The following PCDHGA5 variants were observed in gnomAD, a reference collection of about 807,000 sequenced individuals.
PCDHGA5 encodes the protein protocadherin gamma-A5.
Under a neutral mutation model 56.7 loss-of-function variants are expected in PCDHGA5, and 36 were observed. That is an observed-to-expected ratio of 0.64 (90% confidence interval 0.49 to 0.84). The LOEUF (loss-of-function observed/expected upper bound fraction) is 0.84, where lower values mean the gene tolerates loss of function less well. Among genes scored for constraint, PCDHGA5 ranks in the 40% least tolerant of loss-of-function variants. PCDHGA5 has a pLI of 0.00. For missense variants in PCDHGA5, 1,305 were observed against 1,201.5 expected (o/e 1.09, Z -1.27); for synonymous variants, 563 against 520.2 (o/e 1.08, Z -1.12).
At chr5:141,478,177 A>G (rs769503109) in intron 1 of PCDHGA5, 1 of 1,613,988 alleles carries the variant, frequency 6.2e-7, no homozygotes, top group South Asian at 1.1e-5. Context: ...GGGAGCAGAA[A>G]AAAAATCTCA....
rs747040892 is a variant in PCDHGA5 at position 141,366,112 on chromosome 5, G to C, written c.1782G>C (p.Val594=). The C allele has an allele frequency of 6.2e-7, 1 of 1,614,110 alleles. No individual in the cohort carries two copies. Among genetic ancestry groups the C allele is most frequent in the Non-Finnish European group, 8.5e-7 (1 of 1,180,064 alleles). ...ACCTGGTGACCAAGGTGGTAGCGGT[G>C]GACAAAGATTCAGGCCAGAACGCCT... ...PGYLVTKVVA[V]DKDSGQNAWL... Residue 594 remains valine (V), a synonymous_variant, in exon 1 of 4, where the codon GTG becomes GTC. Transcript: ENST00000518069.
At chr5:141,400,777 T>G (rs2094073733) in intron 1 of PCDHGA5, 1 of 565,634 alleles carries the variant, frequency 1.8e-6, no homozygotes. Context: ...ATTTGGTGCG[T>G]TTTTTTGTCC....
At chr5:141,374,884 C>A in intron 1 of PCDHGA5, 3 of 1,613,714 alleles carry the variant, frequency 1.9e-6, no homozygotes, top group Non-Finnish European at 1.7e-6. Context: ...TGACTGCCAC[C>A]GACCAGGATG....
intron 1 of PCDHGA5, among the ~76,000 whole-genome samples, chr5:141,475,732 C>T (rs2099367914): frequency 6.6e-6 from 1 of 152,248 alleles, no homozygotes; most frequent in Non-Finnish European, 1.5e-5. Context: ...GCTGGCTTTC[C>T]CTAAGGTAGG....
Position 141,481,770 on chromosome 5 carries a change from G to T in PCDHGA5, c.2422-13037G>T, listed in dbSNP as rs188953511. 6.1e-3 allele frequency among the ~76,000 whole-genome samples: 929 copies of T among 152,184 alleles called. 10 individuals are homozygous for T. Among genetic ancestry groups the T allele is most frequent in the African/African-American group, 0.022 (895 of 41,516 alleles). On this transcript the variant is annotated intron_variant, in intron 1 of 3. Coordinates refer to ENST00000518069, the MANE Select transcript of PCDHGA5 (RefSeq NM_018918.3). ...AGTCCAAGACCAGCCTGGCCAACAT[G>T]GTGAAACCCCGTCTCTACTAAAAAT... is the stretch of plus-strand genomic sequence containing the variant.
chr5:141,481,780 C>T (rs781334437), intron 1 of PCDHGA5, among the ~76,000 whole-genome samples: 3 of 152,016 alleles, frequency 2.0e-5, no homozygotes, highest in African/African-American at 7.2e-5. Flanking sequence ...GGTGAAACCC[C>T]GTCTCTACTA....
rs767580455 is a variant in PCDHGA5 at position 141,402,948 on chromosome 5, C to G, written c.2421+36197C>G. The G allele has an allele frequency of 7.5e-6, 12 of 1,592,864 alleles. No individual in the cohort carries two copies. In the African/African-American group the frequency reaches 1.2e-4, roughly 16 times the overall value. On this transcript the variant is annotated intron_variant, in intron 1 of 3. Transcript: ENST00000518069. ...CTTTTGAGAAAATTCCAAAGCGAGG[C>G]AGCAATGGCAGCTCCAACCAAATGC... is the stretch of plus-strand genomic sequence containing the variant.
intron 1 of PCDHGA5, chr5:141,416,995 T>G (rs912921234): frequency 2.0e-5 from 3 of 151,486 alleles, no homozygotes; most frequent in Non-Finnish European, 2.9e-5. Flanking sequence ...TGTGCATTCA[T>G]CTCAAATAAT....
chr5:141,375,956 G>A (rs760158486), intron 1 of PCDHGA5: 16 of 1,613,506 alleles, frequency 9.9e-6, no homozygotes, highest in South Asian at 3.3e-5. Flanking sequence ...GCACACGGGC[G>A]AGGTGCGCAC....
intron 1 of PCDHGA5, among the ~76,000 whole-genome samples, chr5:141,381,599 T>C (rs1273652437): frequency 9.9e-5 from 15 of 152,240 alleles, no homozygotes; most frequent in Admixed American, 9.8e-4. Flanking sequence ...CAGTTTCTTA[T>C]GAATTCACAG....
intron 1 of PCDHGA5, among the ~76,000 whole-genome samples, chr5:141,387,526 G>C (rs186607627): frequency 2.0e-5 from 3 of 152,206 alleles, no homozygotes; most frequent in African/African-American, 7.2e-5. Context: ...ATATACAGAC[G>C]TATCCACGTA....
intron 1 of PCDHGA5, chr5:141,422,195 A>G: frequency 6.4e-7 from 1 of 1,562,278 alleles, no homozygotes; most frequent in African/African-American, 1.4e-5. Flanking sequence ...ATTCAAGGCC[A>G]AGATGGTGGA....
chr5:141,409,670 T>C lies in PCDHGA5; in HGVS notation c.2421+42919T>C, dbSNP rs2095300697. 1.9e-6 allele frequency: 3 copies of C among 1,613,486 alleles called. No homozygotes were observed. In the East Asian group the frequency reaches 6.7e-5, roughly 36 times the overall value. ...GGGGCTCAATGGCCACATCTCCTACTCTATAGTGGCGAGTGACCTAGAGCC... is the reference window on the plus strand; with the variant it reads ...GGGGCTCAATGGCCACATCTCCTACCCTATAGTGGCGAGTGACCTAGAGCC... On this transcript the variant is annotated intron_variant, in intron 1 of 3. Transcript: ENST00000518069.
At chr5:141,403,559 G>C (rs1281537625) in intron 1 of PCDHGA5, 1 of 1,613,974 alleles carries the variant, frequency 6.2e-7, no homozygotes. Flanking sequence ...CCTGGACAGG[G>C]AGGAGGCAAC....
intron 2 of PCDHGA5, among the ~76,000 whole-genome samples, chr5:141,496,492 C>A (rs2099769172): frequency 6.6e-6 from 1 of 152,186 alleles, no homozygotes; most frequent in Non-Finnish European, 1.5e-5. Context: ...CCAACCAAAC[C>A]CTTGTTGCCA....
rs143530538 is a variant in PCDHGA5 at position 141,490,323 on chromosome 5, G to A, written c.2422-4484G>A. 18 of 1,614,102 alleles carry A rather than the reference G, an allele frequency of 1.1e-5. No individual in the cohort carries two copies. Among genetic ancestry groups the A allele is most frequent in the Non-Finnish European group, 1.4e-5 (17 of 1,180,056 alleles). ...CCTCTTTGGCCAACCCTGTCCTAGA[G>A]AGCACACCAGTGGGCACAGTAGTGG... On this transcript the variant is annotated intron_variant, in intron 1 of 3. Transcript: ENST00000518069. This position sits in a 1 kb window ranked among gnomAD's most constrained non-coding sequence, Gnocchi z 5.4.
chr5:141,489,428 G>A lies in PCDHGA5; in HGVS notation c.2422-5379G>A, dbSNP rs561792279. The A allele has an allele frequency of 2.5e-5, 40 of 1,614,112 alleles. No homozygotes were observed. In the Middle Eastern group the frequency reaches 4.9e-4, roughly 20 times the overall value. ...AAGATGACAGATCTGTTGAGCCGGC[G>A]GCTGCAATTGGGCTCTGAGGAGAAT... On this transcript the variant is annotated intron_variant, in intron 1 of 3. Transcript: ENST00000518069. This position sits in a 1 kb window ranked among gnomAD's most constrained non-coding sequence, Gnocchi z 4.5.
chr5:141,489,229 G>C lies in PCDHGA5; in HGVS notation c.2422-5578G>C. The C allele has an allele frequency of 6.6e-7, 1 of 1,522,252 alleles. No homozygotes were observed. Among genetic ancestry groups the C allele is most frequent in the Non-Finnish European group, 8.8e-7 (1 of 1,133,810 alleles). The allele number at this position is 1,522,252 out of a possible 1,614,324, so 94.3% of individuals were successfully genotyped here. On this transcript the variant is annotated intron_variant, in intron 1 of 3. Coordinates refer to ENST00000518069, the MANE Select transcript of PCDHGA5 (RefSeq NM_018918.3). This position sits in a 1 kb window ranked among gnomAD's most constrained non-coding sequence, Gnocchi z 4.5. ...AGCACAGACTTACTCTCCACAAAGG[G>C]ACTTCTGGGTCATGGGGCCCAAGAC...
In PCDHGA5 at chr5:141,418,905, T is replaced by C. The variant is rs144920415; in HGVS notation, c.2421+52154T>C. The C allele has an allele frequency of 5.0e-6, 8 of 1,613,944 alleles. No homozygotes were observed. The East Asian group carries it at 1.8e-4, about 36-fold the overall frequency. ...AACGACAACAGCCCAGAAATAATCA[T>C]CACGTCACTCTCTGATCAGATTATG... On this transcript the variant is annotated intron_variant, in intron 1 of 3. Coordinates refer to ENST00000518069, the MANE Select transcript of PCDHGA5 (RefSeq NM_018918.3).
Sources: allele counts gnomAD v4.1 joint callset (sites outside exome capture counted in the v4.1 genomes callset), GRCh38; gene constraint gnomAD v4.1.1; non-coding constraint Gnocchi (gnomAD v3.1); transcripts MANE v1.5; gene names NCBI Gene and HGNC (gene_info 2026-07-23, HGNC 2026-07-21).